Variants in IQSEC1 observed in about 807,000 individuals in gnomAD.
IQSEC1 encodes the protein IQ motif and SEC7 domain-containing protein 1.
Under a neutral mutation model 91.0 loss-of-function variants are expected in IQSEC1, and 31 were observed. The observed-to-expected ratio is 0.34, with a 90% CI of 0.26 to 0.46. The LOEUF (loss-of-function observed/expected upper bound fraction) is 0.46. Ranked by LOEUF, IQSEC1 falls within the 20% of genes least tolerant of loss-of-function variation. IQSEC1 has a pLI of 1.00. For synonymous variants in IQSEC1, 699 were observed against 662.6 expected (o/e 1.05, Z -0.84); for missense variants, 1,388 against 1,575.6 (o/e 0.88, Z 2.02).
intron 1 of IQSEC1, chr3:13,022,106 G>T: frequency 8.1e-7 from 1 of 1,231,830 alleles, no homozygotes; most frequent in Non-Finnish European, 1.0e-6. Flanking sequence ...TTCATGCCTG[G>T]CTCGGTGGAG....
At chr3:13,186,551 G>A (rs1326785075) in intron 1 of IQSEC1, among the ~76,000 whole-genome samples, 2 of 152,228 alleles carry the variant, frequency 1.3e-5, no homozygotes, top group African/African-American at 4.8e-5. Context: ...AGCTTGGGTT[G>A]GTGCCGCCTG....
chr3:13,095,878 G>A (rs1438832089), intron 2 of IQSEC1, among the ~76,000 whole-genome samples: 2 of 152,200 alleles, frequency 1.3e-5, no homozygotes, highest in African/African-American at 4.8e-5. Flanking sequence ...GGCTGAGGGA[G>A]GGGCGGCGAG....
Position 13,207,772 on chromosome 3 carries a change from T to G in IQSEC1, c.273-43639A>C, listed in dbSNP as rs1480525522. Among the ~76,000 whole-genome samples, 1 of 152,122 alleles carries G rather than the reference T, an allele frequency of 6.6e-6. No homozygotes were observed. Among genetic ancestry groups the G allele is most frequent in the Non-Finnish European group, 1.5e-5 (1 of 68,018 alleles). On this transcript the variant is annotated intron_variant, in intron 1 of 15. Coordinates refer to the IQSEC1 transcript ENST00000648114. This position sits in a 1 kb window ranked among gnomAD's most constrained non-coding sequence, Gnocchi z 4.8. ...GGAGGCTCTCTCTCACCATCGCATC[T>G]AAACCAACCATCCCTGCCACCCGGC...
At chr3:12,977,704 A>G (rs1375309871) in intron 1 of IQSEC1, among the ~76,000 whole-genome samples, 1 of 152,234 alleles carries the variant, frequency 6.6e-6, no homozygotes, top group African/African-American at 2.4e-5. Flanking sequence ...TTCATTTATA[A>G]TAAGTGCTGG....
intron 12 of IQSEC1, among the ~76,000 whole-genome samples, chr3:12,905,533 T>TA (rs2125041193): frequency 6.6e-6 from 1 of 152,372 alleles, no homozygotes; most frequent in Non-Finnish European, 1.5e-5. Flanking sequence ...GTCTGACCGC[T>TA]AGAGAGGGCA....
chr3:12,900,471 A>G lies in IQSEC1; in HGVS notation c.*512T>C. On this transcript the variant is annotated 3_prime_UTR_variant, in exon 14 of 14. Transcript: ENST00000613206. ...ATACAGTATATATATATATATATTT[A>G]TATATTTATATATTTATATAAAGTT... 1 of 669,034 alleles carries G rather than the reference A, an allele frequency of 1.5e-6. No individual in the cohort carries two copies. The highest frequency in any genetic ancestry group is 1.8e-6 in the Non-Finnish European group (1 of 543,910). The allele number at this position is 669,034 out of a possible 1,614,324, so 41.4% of individuals were successfully genotyped here. A position where few individuals can be genotyped will look rare whatever the true frequency, so the allele number is the denominator to read the frequency against.
intron 1 of IQSEC1, among the ~76,000 whole-genome samples, chr3:13,235,051 C>A (rs1004359980): frequency 5.9e-5 from 9 of 152,214 alleles, no homozygotes; most frequent in Middle Eastern, 3.4e-3. Flanking sequence ...GGGGGTCTAG[C>A]GAGGTGGGCT....
At chr3:12,989,719 C>T (rs926274058) in intron 1 of IQSEC1, among the ~76,000 whole-genome samples, 3 of 152,352 alleles carry the variant, frequency 2.0e-5, no homozygotes, top group East Asian at 1.9e-4. Context: ...TGTCCTCACC[C>T]GCCCTCAACC....
intron 2 of IQSEC1, among the ~76,000 whole-genome samples, chr3:13,121,394 G>A (rs1168427107): frequency 6.6e-5 from 10 of 152,164 alleles, no homozygotes. Flanking sequence ...GGAGGGGTGA[G>A]GCCAGTCCCA....
chr3:13,259,734 A>G lies in IQSEC1; in HGVS notation c.272+22977T>C, dbSNP rs1695349815. Among the ~76,000 whole-genome samples, 1 of 152,132 alleles carries G rather than the reference A, an allele frequency of 6.6e-6. No homozygotes were observed. Among genetic ancestry groups the G allele is most frequent in the Non-Finnish European group, 1.5e-5 (1 of 68,024 alleles). On this transcript the variant is annotated intron_variant, in intron 1 of 15. Transcript: ENST00000648114. The surrounding 1 kb of genome is among the most constrained non-coding windows in gnomAD (Gnocchi z 4.6). ...TCCTGCCCTCCCGTGGGAGCCTCCA[A>G]TGCTTACCTCCACCTGCTTCCACCT...
At chr3:13,043,950 G>A (rs1200232191) in intron 1 of IQSEC1, among the ~76,000 whole-genome samples, 1 of 152,196 alleles carries the variant, frequency 6.6e-6, no homozygotes, top group Non-Finnish European at 1.5e-5. Context: ...CCCCAGAGGT[G>A]TGCACACAGA....
chr3:13,055,708 C>G (rs1310296480), intron 1 of IQSEC1, among the ~76,000 whole-genome samples: 4 of 152,228 alleles, frequency 2.6e-5, no homozygotes, highest in Non-Finnish European at 5.9e-5. Flanking sequence ...GGGCTGCCCC[C>G]ACTAACCCGG....
At chr3:13,183,565 C>T (rs1330186281) in intron 1 of IQSEC1, among the ~76,000 whole-genome samples, 1 of 150,432 alleles carries the variant, frequency 6.6e-6, no homozygotes, top group Non-Finnish European at 1.5e-5. Flanking sequence ...GATTCCATCT[C>T]AAACAAAAAA....
chr3:13,253,370 CT>C (rs541247767), intron 1 of IQSEC1, among the ~76,000 whole-genome samples: 187 of 152,270 alleles, frequency 1.2e-3, no homozygotes, highest in African/African-American at 4.2e-3. Context: ...GTGGCACCCC[CT>C]GGTCAGCAGA....
At chr3:12,955,150 G>C (rs1013367325) in intron 1 of IQSEC1, among the ~76,000 whole-genome samples, 14 of 152,254 alleles carry the variant, frequency 9.2e-5, no homozygotes, top group Non-Finnish European at 1.5e-5. Flanking sequence ...GAAACTGTGA[G>C]TTTCTCCACC....
intron 2 of IQSEC1, among the ~76,000 whole-genome samples, chr3:13,129,516 T>C (rs1310843018): frequency 2.6e-5 from 4 of 152,200 alleles, no homozygotes; most frequent in Non-Finnish European, 5.9e-5. Flanking sequence ...TCCTTTGGGT[T>C]TAATTTGTTC....
intron 1 of IQSEC1, among the ~76,000 whole-genome samples, chr3:12,948,269 A>G (rs2125403240): frequency 6.6e-6 from 1 of 152,386 alleles, no homozygotes; most frequent in Admixed American, 6.5e-5. Flanking sequence ...TACAAGCCCC[A>G]GCAGCTGGAG....
In IQSEC1 at chr3:12,899,173, TGAG is replaced by T; in HGVS notation, c.*1807_*1809del. 1 of 586,240 alleles carries T rather than the reference TGAG, an allele frequency of 1.7e-6. No individual in the cohort carries two copies. The highest frequency in any genetic ancestry group is 3.1e-6 in the Non-Finnish European group (1 of 326,088). The allele number at this position is 586,240 out of a possible 1,614,324, so 36.3% of individuals were successfully genotyped here. A position where few individuals can be genotyped will look rare whatever the true frequency, so the allele number is the denominator to read the frequency against. On this transcript the variant is annotated 3_prime_UTR_variant, in exon 14 of 14. Coordinates refer to ENST00000613206, the MANE Select transcript of IQSEC1 (RefSeq NM_001134382.3). ...GATATGACCGAGGGTGGGAGGGATG[TGAG>T]GAGGGAAATCGGCAAAACCCTGGCC...
chr3:13,036,545 A>G (rs1053592854), intron 1 of IQSEC1, among the ~76,000 whole-genome samples: 2 of 152,200 alleles, frequency 1.3e-5, no homozygotes, highest in Non-Finnish European at 2.9e-5. Context: ...CCCTCAAGCC[A>G]CAAAGCCACC....
Sources: allele counts gnomAD v4.1 joint callset (sites outside exome capture counted in the v4.1 genomes callset), GRCh38; gene constraint gnomAD v4.1.1; non-coding constraint Gnocchi (gnomAD v3.1); transcripts MANE v1.5; gene names NCBI Gene and HGNC (gene_info 2026-07-23, HGNC 2026-07-21).